KLHL1: variants seen among roughly 807,000 people sequenced by gnomAD.
The protein encoded by KLHL1 is kelch-like protein 1.
KLHL1 carries 47 observed loss-of-function variants against 77.7 expected under a neutral mutation model. The observed-to-expected ratio is 0.60, with a 90% CI of 0.48 to 0.77. The LOEUF (loss-of-function observed/expected upper bound fraction) is 0.77. KLHL1 is among the 30% of genes least tolerant of loss of function. KLHL1 has a pLI of 0.00. For synonymous variants in KLHL1, 360 were observed against 325.2 expected (o/e 1.11, Z -1.15); for missense variants, 925 against 910.8 (o/e 1.02, Z -0.20).
At chr13:69,983,892 A>AT (rs1884789479) in intron 1 of KLHL1, among the ~76,000 whole-genome samples, 1 of 121,946 alleles carries the variant, frequency 8.2e-6, no homozygotes, top group Non-Finnish European at 1.7e-5. Flanking sequence ...AAATCTATGC[A>AT]TTTACGGCTG....
chr13:70,106,428 G>A (rs1888057769), intron 1 of KLHL1, among the ~76,000 whole-genome samples: 1 of 152,060 alleles, frequency 6.6e-6, no homozygotes, highest in Admixed American at 6.6e-5. Flanking sequence ...GTCTATGAAG[G>A]ATTTTCTGTA....
At chr13:70,002,664 C>T (rs1240888144) in intron 1 of KLHL1, among the ~76,000 whole-genome samples, 1 of 151,668 alleles carries the variant, frequency 6.6e-6, no homozygotes, top group East Asian at 1.9e-4. Flanking sequence ...CACATCATGT[C>T]AATGACAAAA....
chr13:69,918,173 T>A (rs1444437169), intron 4 of KLHL1, among the ~76,000 whole-genome samples: 1 of 152,112 alleles, frequency 6.6e-6, no homozygotes, highest in Non-Finnish European at 1.5e-5. Context: ...TGATTGTTTA[T>A]CTGAAATAAA....
At chr13:69,727,372 G>T (rs1447395496) in intron 8 of KLHL1, among the ~76,000 whole-genome samples, 1 of 152,040 alleles carries the variant, frequency 6.6e-6, no homozygotes, top group East Asian at 1.9e-4. Context: ...TGAATATTGA[G>T]CAGGAAACTA....
chr13:69,883,133 C>T (rs1324861217), intron 4 of KLHL1, among the ~76,000 whole-genome samples: 2 of 152,166 alleles, frequency 1.3e-5, no homozygotes, highest in Non-Finnish European at 2.9e-5. Flanking sequence ...CTATTCTTAG[C>T]TTCTCAGTTT....
chr13:69,765,462 T>C (rs751670156), intron 7 of KLHL1, among the ~76,000 whole-genome samples: 3 of 152,122 alleles, frequency 2.0e-5, no homozygotes, highest in Non-Finnish European at 4.4e-5. Context: ...AATGAGAGCT[T>C]GATTCAAACT....
At chr13:70,032,804 C>A (rs1886135937) in intron 1 of KLHL1, among the ~76,000 whole-genome samples, 1 of 152,144 alleles carries the variant, frequency 6.6e-6, no homozygotes, top group Non-Finnish European at 1.5e-5. Context: ...AAATAAATCA[C>A]TTTTCAAATG....
chr13:70,008,742 A>G (rs1296254860), intron 1 of KLHL1, among the ~76,000 whole-genome samples: 1 of 152,104 alleles, frequency 6.6e-6, no homozygotes, highest in Non-Finnish European at 1.5e-5. Flanking sequence ...AAACTCTATT[A>G]ATTATTTGAA....
intron 4 of KLHL1, among the ~76,000 whole-genome samples, chr13:69,911,591 G>T (rs778341672): frequency 1.4e-5 from 2 of 147,958 alleles, no homozygotes; most frequent in Non-Finnish European, 3.0e-5. Flanking sequence ...AAAGCCCAAA[G>T]CACTAATAGT....
At chr13:69,909,064 C>A (rs1314371700) in intron 4 of KLHL1, among the ~76,000 whole-genome samples, 1 of 149,282 alleles carries the variant, frequency 6.7e-6, no homozygotes, top group African/African-American at 2.4e-5. Flanking sequence ...ATTTAGTATA[C>A]ATGTATATAG....
chr13:69,972,851 T>C (rs528140976), intron 2 of KLHL1, among the ~76,000 whole-genome samples: 86 of 152,012 alleles, frequency 5.7e-4, no homozygotes, highest in African/African-American at 2.0e-3. Flanking sequence ...AAAATTCAAA[T>C]ATCCAATTTT....
intron 1 of KLHL1, among the ~76,000 whole-genome samples, chr13:69,993,515 T>C (rs1186206429): frequency 6.6e-6 from 1 of 152,008 alleles, no homozygotes; most frequent in East Asian, 1.9e-4. Flanking sequence ...AAGAGGTCGG[T>C]GTATTATTTT....
At chr13:69,756,646 A>G (rs141948898) in intron 7 of KLHL1, among the ~76,000 whole-genome samples, 2 of 152,314 alleles carry the variant, frequency 1.3e-5, no homozygotes, top group African/African-American at 4.8e-5. Flanking sequence ...AACATGGTAA[A>G]TTAAGTAACT....
At chr13:69,749,961 G>C (rs1175468845) in intron 7 of KLHL1, among the ~76,000 whole-genome samples, 1 of 151,708 alleles carries the variant, frequency 6.6e-6, no homozygotes, top group Non-Finnish European at 1.5e-5. Context: ...CTAATTTTTA[G>C]TATTGCTTTA....
chr13:69,776,020 G>A (rs1338558757), intron 7 of KLHL1, among the ~76,000 whole-genome samples: 2 of 151,772 alleles, frequency 1.3e-5, no homozygotes, highest in African/African-American at 2.4e-5. Flanking sequence ...GCTTGGCGTG[G>A]TGGTGGGTGC....
chr13:69,985,098 C>T (rs936394619), intron 1 of KLHL1, among the ~76,000 whole-genome samples: 7 of 151,738 alleles, frequency 4.6e-5, no homozygotes, highest in Non-Finnish European at 8.8e-5. Context: ...GATGACAGAG[C>T]GAGACTCTGT....
intron 5 of KLHL1, among the ~76,000 whole-genome samples, chr13:69,866,172 G>A (rs889465024): frequency 5.3e-5 from 8 of 152,072 alleles, no homozygotes; most frequent in African/African-American, 9.6e-5. Flanking sequence ...GCTGAATTGC[G>A]GCAAATTGAG....
chr13:70,090,527 C>T (rs1430264206), intron 1 of KLHL1, among the ~76,000 whole-genome samples: 1 of 151,580 alleles, frequency 6.6e-6, no homozygotes. Context: ...GGTCATTATC[C>T]TCTGCTCTTT....
chr13:69,907,597 T>C (rs1358952804), intron 4 of KLHL1, among the ~76,000 whole-genome samples: 1 of 151,926 alleles, frequency 6.6e-6, no homozygotes, highest in East Asian at 1.9e-4. Flanking sequence ...TTAACTGCAA[T>C]ATGGGTAATA....
Sources: gnomAD v4.1 joint callset for allele counts (sites outside exome capture counted in the v4.1 genomes callset) on GRCh38, gnomAD v4.1.1 for gene constraint, MANE v1.5 for transcripts, NCBI Gene and HGNC (gene_info 2026-07-23, HGNC 2026-07-21) for gene names.